Variants in TBC1D26 observed in about 807,000 individuals in gnomAD.
The protein encoded by TBC1D26 is TBC1 domain family member 26, also known as TBC1 domain family, member 26.
In TBC1D26, 19 loss-of-function variants were observed where a neutral mutation model predicts 42.5. The ratio of observed to expected loss-of-function variants is 0.45; its 90% CI spans 0.31 to 0.66. The LOEUF is 0.66. Ranked by LOEUF, TBC1D26 falls within the 30% of genes least tolerant of loss-of-function variation. The pLI, the probability that TBC1D26 is intolerant of heterozygous loss-of-function variation, is 0.06. For missense variants in TBC1D26, 228 were observed against 332.6 expected, an observed-to-expected ratio of 0.69 and a Z score of 2.45; for synonymous variants, 97 against 123.5, an observed-to-expected ratio of 0.79 and a Z score of 1.42.
intron 1 of TBC1D26, among the ~76,000 whole-genome samples, chr17:15,733,395 C>T (rs530319732): frequency 1.6e-4 from 24 of 152,274 alleles, no homozygotes; most frequent in African/African-American, 5.5e-4. Flanking sequence ...CCGACCTTGC[C>T]ACTCACACCC....
chr17:15,740,482 T>A, intron 9 of TBC1D26: 1 of 1,284,918 alleles, frequency 7.8e-7, no homozygotes, highest in Non-Finnish European at 9.8e-7. Context: ...GCACTTGTCA[T>A]GAAATGAGTT....
intron 14 of TBC1D26, 36 bp downstream of exon 14, chr17:15,743,552 C>A: frequency 1.1e-6 from 1 of 925,060 alleles, no homozygotes; most frequent in African/African-American, 1.8e-5. Context: ...TGGAGTCACC[C>A]TCTGGGGCAG....
At chr17:15,741,745 T>A in intron 10 of TBC1D26, 197 bp from the exon 11 acceptor site, 1 of 585,092 alleles carries the variant, frequency 1.7e-6, no homozygotes, top group Non-Finnish European at 3.0e-6. Context: ...TCCTGGCACC[T>A]GGACCCAGGA....
Position 15,744,477 on chromosome 17 carries a change from C to G in TBC1D26, c.1292C>G (p.Pro431Arg), listed in dbSNP as rs1967867456. Reference sequence around the variant, plus strand: ...TGTGAGTGCATGGCCTTCCTGACACCCAGACAAAACTTTGGGCACAAAGCC... The same window carrying G: ...TGTGAGTGCATGGCCTTCCTGACACGCAGACAAAACTTTGGGCACAAAGCC... The part of the protein sequence containing the change: ...MKCECMAFLT[P>R]RQNFGHKARL... Residue 431 changes from proline to arginine, a missense_variant, in exon 15 of 15, where the codon CCC (proline) becomes CGC (arginine). By Grantham distance (103) the Pro-to-Arg change is moderately radical. This residue lies in a region of TBC1D26 where 130 missense variants were observed against 168.5 expected (regional missense o/e 0.77). Transcript: ENST00000437605. The G allele has an allele frequency of 6.6e-6, 1 of 152,160 alleles. No homozygotes were observed. The highest frequency in any genetic ancestry group is 2.4e-5 in the African/African-American group (1 of 41,430). The allele number at this position is 152,160 out of a possible 1,614,324, so 9.4% of individuals were successfully genotyped here.
intron 9 of TBC1D26, 164 bp from the exon 10 acceptor site, chr17:15,740,958 C>A: frequency 1.1e-6 from 1 of 895,726 alleles, no homozygotes; most frequent in Non-Finnish European, 1.7e-6. Context: ...GCTCAGTCCT[C>A]ATGTCCAGTG....
intron 4 of TBC1D26, among the ~76,000 whole-genome samples, chr17:15,736,916 G>C (rs1286864833): frequency 5.9e-5 from 9 of 152,098 alleles, no homozygotes; most frequent in African/African-American, 1.9e-4. Flanking sequence ...TGGGCAGGAT[G>C]GGGGAAGATG....
intron 4 of TBC1D26, 34 bp from the exon 5 acceptor site, chr17:15,737,450 G>A (rs1567723619): frequency 6.3e-7 from 1 of 1,577,756 alleles, no homozygotes; most frequent in Non-Finnish European, 8.6e-7. Flanking sequence ...CCTGGCCTGG[G>A]CAGGTCCTCA....
rs114202346 is a variant in TBC1D26, at chr17:15,742,901, C to T, written c.808-8C>T. ...GGCCAGGTTCTCCCACACTTGCTGTCCCCACAGAAATCCTTCGGGCTCACC... is the reference window on the plus strand; with the variant it reads ...GGCCAGGTTCTCCCACACTTGCTGTTCCCACAGAAATCCTTCGGGCTCACC... On this transcript the variant is annotated splice_region_variant and splice_polypyrimidine_tract_variant and intron_variant, in intron 12 of 14. Coordinates refer to ENST00000437605, the MANE Select transcript of TBC1D26 (RefSeq NM_001388465.1). The T allele has an allele frequency of 3.8e-3, 595 of 154,808 alleles. No individual in the cohort carries two copies. The highest frequency in any genetic ancestry group is 0.023 in the Middle Eastern group (7 of 298). 9.6% of individuals were successfully genotyped at this position (154,808 alleles called of 1,614,324 possible).
intron 7 of TBC1D26, 102 bp downstream of exon 7, chr17:15,738,489 G>A: frequency 2.1e-6 from 3 of 1,451,610 alleles, no homozygotes; most frequent in Admixed American, 1.9e-5. Flanking sequence ...TTGGGAGTGG[G>A]GGCTGTGGTC....
chr17:15,738,517 A>G, intron 7 of TBC1D26, 130 bp downstream of exon 7: 2 of 1,329,320 alleles, frequency 1.5e-6, no homozygotes, highest in Non-Finnish European at 2.1e-6. Flanking sequence ...CATCCTGGGC[A>G]TAGATGGTAA....
Position 15,740,133 on chromosome 17 carries a change from T to C in TBC1D26, c.531T>C (p.Tyr177=). Residue 177 remains tyrosine, a synonymous_variant, in exon 9 of 15, where the codon TAT becomes TAC. Coordinates refer to ENST00000437605, the MANE Select transcript of TBC1D26 (RefSeq NM_001388465.1). ...QQELCDILVA[Y]SAYNPEVGYH... ...AATTATGTGACATCCTCGTGGCCTATTCTGCATATAACCCTGTGAGTATTC... is the reference window on the plus strand; with the variant it reads ...AATTATGTGACATCCTCGTGGCCTACTCTGCATATAACCCTGTGAGTATTC... 6.2e-7 allele frequency: 1 copy of C among 1,614,208 alleles called. No homozygotes were observed. Among genetic ancestry groups the C allele is most frequent in the South Asian group, 1.1e-5 (1 of 91,078 alleles).
At chr17:15,740,345 C>T in intron 9 of TBC1D26, 197 bp downstream of exon 9, 1 of 1,517,756 alleles carries the variant, frequency 6.6e-7, no homozygotes, top group Middle Eastern at 1.8e-4. Flanking sequence ...ATCACCACGT[C>T]TCAGATGAAG....
Position 15,742,011 on chromosome 17 carries a change from C to T in TBC1D26, c.716C>T (p.Ser239Phe), listed in dbSNP as rs1967800364. 1.2e-6 allele frequency: 2 copies of T among 1,613,898 alleles called. No homozygotes were observed. The highest frequency in any genetic ancestry group is 8.5e-7 in the Non-Finnish European group (1 of 1,179,986). The change falls in exon 11 of 15, where the codon TCC becomes TTC. Residue 239 changes from serine to phenylalanine, a missense_variant. By Grantham distance (155) the Ser-to-Phe change is radical (BLOSUM62 -2). This residue lies in a region of TBC1D26 where 130 missense variants were observed against 168.5 expected (regional missense o/e 0.77). Transcript: ENST00000437605. The stretch of plus-strand genomic sequence containing the variant: ...CACCAGGAGCAGGTGCTGCACAAGT[C>T]CTTCCCAAAGATCATGAGACACCTG... The part of the protein sequence containing the change: ...LSHQEQVLHK[S>F]FPKIMRHLGK...
rs577449651 is a variant in TBC1D26, at chr17:15,740,161, G to A, written c.546+13G>A. ...TGCATATAACCCTGTGAGTATTCCC[G>A]GGCAGCGATATTCCTGGGACATGTG... On this transcript the variant is annotated intron_variant, in intron 9 of 14. Transcript: ENST00000437605. 1.5e-5 allele frequency: 25 copies of A among 1,613,724 alleles called. No homozygotes were observed. The highest frequency in any genetic ancestry group is 5.0e-5 in the Admixed American group (3 of 60,008).
intron 10 of TBC1D26, chr17:15,741,614 G>T: frequency 2.1e-6 from 1 of 476,504 alleles, no homozygotes; most frequent in Non-Finnish European, 3.8e-6. Flanking sequence ...AGATGGAAGT[G>T]TCTGCCCATC....
intron 8 of TBC1D26, 73 bp from the exon 9 acceptor site, chr17:15,740,027 G>C (rs1363035601): frequency 3.2e-6 from 5 of 1,557,428 alleles, no homozygotes; most frequent in Non-Finnish European, 4.4e-6. Flanking sequence ...CGTTATTTGG[G>C]TTTGTAGACA....
In TBC1D26 at chr17:15,741,207, C is replaced by T. The variant is rs776702460; in HGVS notation, c.632C>T (p.Thr211Ile). 2 of 1,613,708 alleles carry T rather than the reference C, an allele frequency of 1.2e-6. No individual in the cohort carries two copies. The highest frequency in any genetic ancestry group is 2.2e-5 in the South Asian group (2 of 91,076). The change falls in exon 10 of 15, where the codon ACC becomes ATC. Residue 211 changes from threonine (T) to isoleucine (I), a missense_variant. Coordinates refer to ENST00000437605, the MANE Select transcript of TBC1D26 (RefSeq NM_001388465.1). ...GAGGAAGATGCTTTCTGGGCGCTTA[C>T]CCAGTTGCTCGCTGGTGAGAGGCAC... is the stretch of plus-strand genomic sequence containing the variant. The part of the protein sequence containing the change: ...LPEEDAFWAL[T>I]QLLAVFYSPN...
chr17:15,743,342 G>C, intron 13 of TBC1D26, 25 bp from the exon 14 acceptor site: 1 of 985,484 alleles, frequency 1.0e-6, no homozygotes, highest in Non-Finnish European at 1.2e-6. Context: ...GAACCCTCCT[G>C]GCCTGATGCC....
At position 15,741,971 on chromosome 17, in the gene TBC1D26, G is replaced by A. The variant is rs1430387230; in HGVS notation, c.676G>A (p.Glu226Lys). ...CTACAGCCCAAATACTGCCTGGCTC[G>A]AGAGGCTCCTATCGCACCAGGAGCA... is the stretch of plus-strand genomic sequence containing the variant. ...VFYSPNTAWL[E>K]RLLSHQEQVL... The change falls in exon 11 of 15, where the codon GAG becomes AAG. Residue 226 changes from glutamate to lysine, a missense_variant. Physicochemically the swap from Glu to Lys is moderately conservative, Grantham distance 56. Coordinates refer to ENST00000437605, the MANE Select transcript of TBC1D26 (RefSeq NM_001388465.1). 1.1e-5 allele frequency: 18 copies of A among 1,613,956 alleles called. No homozygotes were observed. The highest frequency in any genetic ancestry group is 6.7e-5 in the African/African-American group (5 of 74,902).
Sources: gnomAD v4.1 joint callset for allele counts (sites outside exome capture counted in the v4.1 genomes callset) on GRCh38, gnomAD v4.1.1 for gene constraint, gnomAD v4.1.1 regional missense constraint, MANE v1.5 for transcripts, NCBI Gene and HGNC (gene_info 2026-07-23, HGNC 2026-07-21) for gene names.